The following ANKRD28 variants were observed in gnomAD, a reference collection of about 807,000 sequenced individuals.
ANKRD28 encodes the protein serine/threonine-protein phosphatase 6 regulatory ankyrin repeat subunit A.
Under a neutral mutation model 126.5 loss-of-function variants are expected in ANKRD28, and 44 were observed. The observed-to-expected ratio is 0.35, with a 90% CI of 0.27 to 0.45. The LOEUF is 0.45. Ranked by LOEUF, ANKRD28 falls within the 20% of genes least tolerant of loss-of-function variation. The probability of loss-of-function intolerance (pLI) is 1.00; values close to 1 mark genes in which losing one functional copy is unlikely to be tolerated. For synonymous variants in ANKRD28, 442 were observed against 468.5 expected, an observed-to-expected ratio of 0.94 and a Z score of 0.73; for missense variants, 1,110 against 1,316.6, an observed-to-expected ratio of 0.84 and a Z score of 2.43.
chr3:15,822,444 A>C (rs534956830), intron 1 of ANKRD28, among the ~76,000 whole-genome samples: 1 of 152,346 alleles, frequency 6.6e-6, no homozygotes, highest in African/African-American at 2.4e-5. Context: ...TCATTAAACA[A>C]CCACCAGAAC....
At chr3:15,705,811 G>A (rs1394216305) in intron 14 of ANKRD28, among the ~76,000 whole-genome samples, 1 of 152,068 alleles carries the variant, frequency 6.6e-6, no homozygotes, top group African/African-American at 2.4e-5. Context: ...GACCAGCCTG[G>A]CCAACATGGT....
intron 2 of ANKRD28, among the ~76,000 whole-genome samples, chr3:15,772,396 C>T (rs2059059571): frequency 1.3e-5 from 2 of 152,092 alleles, no homozygotes; most frequent in South Asian, 4.1e-4. Flanking sequence ...CATTATCATC[C>T]TGATACCAAA....
Position 15,696,251 on chromosome 3 carries a change from T to A in ANKRD28, c.1548-6A>T. ...TTAATAAGTATTCCAGGCACCTATA[T>A]ACAACAACAACAACATACTGAAAAT... On this transcript the variant is annotated splice_region_variant and splice_polypyrimidine_tract_variant and intron_variant, in intron 14 of 27. Transcript: ENST00000683139. The A allele has an allele frequency of 6.6e-7, 1 of 1,507,006 alleles. No individual in the cohort carries two copies. The highest frequency in any genetic ancestry group is 9.1e-7 in the Non-Finnish European group (1 of 1,098,560). 93.4% of individuals were successfully genotyped at this position (1,507,006 alleles called of 1,614,324 possible). A position where few individuals can be genotyped will look rare whatever the true frequency, so the allele number is the denominator to read the frequency against.
At chr3:15,676,070 T>C in intron 26 of ANKRD28, 81 bp from the exon 27 acceptor site, 8 of 1,215,912 alleles carry the variant, frequency 6.6e-6, no homozygotes, top group Non-Finnish European at 9.1e-6. Flanking sequence ...TCAAAGAGCA[T>C]TTTTGTCAAC....
At chr3:15,794,710 C>T (rs1356790514) in intron 2 of ANKRD28, among the ~76,000 whole-genome samples, 1 of 152,094 alleles carries the variant, frequency 6.6e-6, no homozygotes, top group African/African-American at 2.4e-5. Flanking sequence ...TACTGAAAAC[C>T]TAATCTGACA....
chr3:15,776,156 A>C (rs900534327), intron 2 of ANKRD28, among the ~76,000 whole-genome samples: 1 of 152,256 alleles, frequency 6.6e-6, no homozygotes, highest in Non-Finnish European at 1.5e-5. Context: ...ACATACTTCA[A>C]AAACCAAGAA....
intron 27 of ANKRD28, 66 bp downstream of exon 27, chr3:15,675,832 C>T: frequency 1.5e-6 from 2 of 1,298,950 alleles, no homozygotes; most frequent in Non-Finnish European, 1.0e-6. Flanking sequence ...AAGTTTATTT[C>T]TCTTCAAATA....
intron 14 of ANKRD28, chr3:15,697,355 A>C (rs2069766208): frequency 6.6e-6 from 1 of 152,212 alleles, no homozygotes; most frequent in South Asian, 2.1e-4. Flanking sequence ...GGGATAAAAG[A>C]CTACACATTG....
chr3:15,822,934 C>T (rs1197866309), intron 1 of ANKRD28, among the ~76,000 whole-genome samples: 1 of 152,206 alleles, frequency 6.6e-6, no homozygotes, highest in Non-Finnish European at 1.5e-5. Context: ...CACATTACTA[C>T]TGACCTTATG....
At chr3:15,763,846 C>G (rs1232795934) in intron 3 of ANKRD28, among the ~76,000 whole-genome samples, 1 of 152,026 alleles carries the variant, frequency 6.6e-6, no homozygotes, top group East Asian at 1.9e-4. Flanking sequence ...GAACTGAGAA[C>G]AATTGAATTC....
upstream of ANKRD28, among the ~76,000 whole-genome samples, chr3:15,802,254 T>C (rs1180412703): frequency 4.6e-5 from 7 of 152,170 alleles, no homozygotes; most frequent in East Asian, 1.3e-3. Flanking sequence ...TTGGCCACTA[T>C]CTTAAACCAA....
chr3:15,673,697 G>A (rs1354153520), intron 27 of ANKRD28, among the ~76,000 whole-genome samples: 1 of 152,154 alleles, frequency 6.6e-6, no homozygotes, highest in East Asian at 1.9e-4. Context: ...TTTGAAACAG[G>A]TGACGAATTT....
chr3:15,715,309 T>C (rs2072873396), intron 8 of ANKRD28, among the ~76,000 whole-genome samples: 1 of 152,204 alleles, frequency 6.6e-6, no homozygotes, highest in Non-Finnish European at 1.5e-5. Context: ...AATAAACTAC[T>C]TAGCAGCTTC....
chr3:15,840,530 A>G (rs984147992), intron 1 of ANKRD28, among the ~76,000 whole-genome samples: 5 of 150,948 alleles, frequency 3.3e-5, no homozygotes, highest in Non-Finnish European at 7.4e-5. Context: ...ACAGAAATAG[A>G]AAAAAAAACA....
At chr3:15,746,513 A>C (rs1419884777) in intron 4 of ANKRD28, among the ~76,000 whole-genome samples, 1 of 152,186 alleles carries the variant, frequency 6.6e-6, no homozygotes, top group Non-Finnish European at 1.5e-5. Context: ...TATCACATTT[A>C]CTGACTTAGG....
Position 15,675,893 on chromosome 3 carries a change from C to A in ANKRD28, c.2965+5G>T. The A allele has an allele frequency of 6.2e-7, 1 of 1,603,090 alleles. No individual in the cohort carries two copies. Among genetic ancestry groups the A allele is most frequent in the Non-Finnish European group, 8.5e-7 (1 of 1,172,276 alleles). ...TTAAGGGAAGAGAATATAGAACCAA[C>A]TTACCATTTTCATCTACTGCAAGCA... is the stretch of plus-strand genomic sequence containing the variant. On this transcript the variant is annotated splice_donor_5th_base_variant and intron_variant, in intron 27 of 27. Coordinates refer to ENST00000683139, the MANE Select transcript of ANKRD28 (RefSeq NM_001349278.2).
chr3:15,844,481 T>G (rs888656560), intron 1 of ANKRD28, among the ~76,000 whole-genome samples: 1 of 151,660 alleles, frequency 6.6e-6, no homozygotes, highest in Non-Finnish European at 1.5e-5. Flanking sequence ...ATTTCAAAAC[T>G]AAGGCTCCAA....
At chr3:15,758,280 A>C (rs1375740150) in intron 3 of ANKRD28, among the ~76,000 whole-genome samples, 1 of 152,196 alleles carries the variant, frequency 6.6e-6, no homozygotes, top group Non-Finnish European at 1.5e-5. Flanking sequence ...TTGGCTACCT[A>C]ACAGTGCAGT....
intron 1 of ANKRD28, among the ~76,000 whole-genome samples, chr3:15,823,457 A>T (rs924867719): frequency 1.3e-5 from 2 of 152,238 alleles, no homozygotes; most frequent in African/African-American, 2.4e-5. Context: ...GGCTTTGCTG[A>T]TGAAGTCTAC....
Sources: allele counts gnomAD v4.1 joint callset (sites outside exome capture counted in the v4.1 genomes callset), GRCh38; gene constraint gnomAD v4.1.1; transcripts MANE v1.5; gene names NCBI Gene and HGNC (gene_info 2026-07-23, HGNC 2026-07-21).